DLGAP2: variants seen among roughly 807,000 people sequenced by gnomAD.
The protein encoded by DLGAP2 is disks large-associated protein 2.
A neutral mutation model predicts 100.3 loss-of-function variants in DLGAP2; 26 were observed. The observed-to-expected ratio is 0.26, with a 90% CI of 0.19 to 0.36. DLGAP2 has a LOEUF of 0.36. Ranked by LOEUF, DLGAP2 falls within the 10% of genes least tolerant of loss-of-function variation. The pLI is 1.00. For synonymous variants in DLGAP2, 886 were observed against 630.1 expected (o/e 1.41, Z -6.08); for missense variants, 1,858 against 1,453.2 (o/e 1.28, Z -4.53).
chr8:1,171,132 G>A (rs1258381562), intron 2 of DLGAP2, among the ~76,000 whole-genome samples: 6 of 152,072 alleles, frequency 3.9e-5, no homozygotes, highest in Non-Finnish European at 7.3e-5. Context: ...CCTTCATTTC[G>A]TTATGTACCC....
rs184118550 is a variant in DLGAP2 at position 1,025,085 on chromosome 8, C to T, written c.73+117119C>T. 1.9e-4 allele frequency among the ~76,000 whole-genome samples: 29 copies of T among 151,348 alleles called. No homozygotes were observed. The East Asian group carries it at 4.5e-3, about 23-fold the overall frequency. On this transcript the variant is annotated intron_variant, in intron 2 of 14. Transcript: ENST00000637795. ...GTGCATGTGTGTGCATGTGTGTGTG[C>T]GCGTGTATGTGTGTGCGTGTATGTG...
intron 2 of DLGAP2, among the ~76,000 whole-genome samples, chr8:1,133,797 C>T (rs114988560): frequency 2.1e-3 from 319 of 151,814 alleles, no homozygotes; most frequent in African/African-American, 7.5e-3. Context: ...TTGTAATGAA[C>T]ATCACTCAGT....
chr8:1,701,921 G>C lies in DLGAP2; in HGVS notation c.*515G>C, dbSNP rs921998551. 1.3e-5 allele frequency: 2 copies of C among 152,626 alleles called. No homozygotes were observed. Among genetic ancestry groups the C allele is most frequent in the Non-Finnish European group, 2.9e-5 (2 of 68,478 alleles). 9.5% of individuals were successfully genotyped at this position (152,626 alleles called of 1,614,324 possible). On this transcript the variant is annotated 3_prime_UTR_variant, in exon 15 of 15. Coordinates refer to ENST00000637795, the MANE Select transcript of DLGAP2 (RefSeq NM_001346810.2). ...GCACAGCCGAGCTTTTACTCCCTGA[G>C]CACGGGCCGCTCCGCTCCCCTGCTC...
At chr8:813,496 C>T (rs1395423279) in intron 1 of DLGAP2, among the ~76,000 whole-genome samples, 2 of 152,160 alleles carry the variant, frequency 1.3e-5, no homozygotes, top group Non-Finnish European at 2.9e-5. Flanking sequence ...CTCTGCTCTT[C>T]CAGGCACCCT....
intron 6 of DLGAP2, among the ~76,000 whole-genome samples, chr8:1,616,800 T>C (rs902098883): frequency 8.1e-3 from 1 of 124 alleles, no homozygotes; most frequent in Non-Finnish European, 0.017. Context: ...TAAACTCACG[T>C]CATGTGGGGT....
At chr8:1,148,692 A>G (rs748468280) in intron 2 of DLGAP2, among the ~76,000 whole-genome samples, 2 of 152,146 alleles carry the variant, frequency 1.3e-5, no homozygotes, top group East Asian at 3.8e-4. Flanking sequence ...TTAGAAGTAT[A>G]TTTCTTAATT....
intron 2 of DLGAP2, among the ~76,000 whole-genome samples, chr8:967,832 A>T (rs1368461037): frequency 0.043 from 703 of 16,272 alleles, 82 homozygotes; most frequent in Admixed American, 0.087. Flanking sequence ...ATATATATAT[A>T]TATATATATA....
chr8:1,440,003 G>C (rs1487603630), intron 3 of DLGAP2, among the ~76,000 whole-genome samples: 1 of 152,184 alleles, frequency 6.6e-6, no homozygotes, highest in East Asian at 1.9e-4. Context: ...CCACACTCTA[G>C]TAAGTGATAG....
chr8:1,365,077 G>A (rs538110906), intron 3 of DLGAP2, among the ~76,000 whole-genome samples: 18 of 152,282 alleles, frequency 1.2e-4, no homozygotes, highest in African/African-American at 3.1e-4. Flanking sequence ...GAGAAACCCC[G>A]CAAGGACACG....
At chr8:1,683,952 G>GTA (rs1171271402) in intron 12 of DLGAP2, among the ~76,000 whole-genome samples, 11 of 20,344 alleles carry the variant, frequency 5.4e-4, no homozygotes, top group African/African-American at 2.1e-3. Context: ...ATATATATGT[G>GTA]TGTATATATA....
intron 1 of DLGAP2, among the ~76,000 whole-genome samples, chr8:791,937 TC>T (rs1822039273): frequency 1.3e-5 from 2 of 152,182 alleles, no homozygotes; most frequent in African/African-American, 4.8e-5. Flanking sequence ...CGCATGTGTT[TC>T]CTAAGAATGG....
At chr8:1,072,886 C>G (rs375939866) in intron 2 of DLGAP2, among the ~76,000 whole-genome samples, 1 of 152,198 alleles carries the variant, frequency 6.6e-6, no homozygotes, top group African/African-American at 2.4e-5. Flanking sequence ...GACCCTGTGC[C>G]TCTGGGATTT....
intron 3 of DLGAP2, among the ~76,000 whole-genome samples, chr8:1,498,335 G>T (rs1258690531): frequency 4.6e-5 from 7 of 151,770 alleles, no homozygotes; most frequent in African/African-American, 1.7e-4. Flanking sequence ...ATTCTCTTCA[G>T]AATGTAGATT....
At chr8:1,517,525 G>A (rs1007915369) in intron 4 of DLGAP2, among the ~76,000 whole-genome samples, 1 of 152,150 alleles carries the variant, frequency 6.6e-6, no homozygotes. Flanking sequence ...CAGGGAGAGA[G>A]AGCAGAAGAG....
intron 2 of DLGAP2, among the ~76,000 whole-genome samples, chr8:1,069,691 A>G (rs1803369186): frequency 6.6e-6 from 1 of 152,214 alleles, no homozygotes; most frequent in South Asian, 2.1e-4. Context: ...TGATATTATA[A>G]TGCTGTACCT....
At chr8:1,682,427 C>T (rs958066364) in intron 12 of DLGAP2, among the ~76,000 whole-genome samples, 64 of 151,946 alleles carry the variant, frequency 4.2e-4, no homozygotes, top group African/African-American at 1.1e-3. Flanking sequence ...AATTTGATGA[C>T]GTATAGGGAC....
intron 6 of DLGAP2, among the ~76,000 whole-genome samples, chr8:1,592,348 A>G (rs1428795058): frequency 1.3e-5 from 2 of 152,106 alleles, no homozygotes. Flanking sequence ...TTCACATACT[A>G]TTTTTTATCC....
chr8:831,581 T>G (rs1188682474), intron 1 of DLGAP2, among the ~76,000 whole-genome samples: 1 of 152,210 alleles, frequency 6.6e-6, no homozygotes, highest in Non-Finnish European at 1.5e-5. Flanking sequence ...TTCCATGGTG[T>G]ATATGTGCCA....
intron 3 of DLGAP2, among the ~76,000 whole-genome samples, chr8:1,270,806 GTGTGTGTGTGTGTCTACCTCTC>G (rs1371757052): frequency 6.6e-6 from 1 of 150,880 alleles, no homozygotes; most frequent in Non-Finnish European, 1.5e-5. Context: ...GTGTGTCTCT[GTGTGTGTGTGTGTCTACCTCTC>G]TGTGTGTGTG....
Sources: allele counts gnomAD v4.1 joint callset (sites outside exome capture counted in the v4.1 genomes callset), GRCh38; gene constraint gnomAD v4.1.1; transcripts MANE v1.5; gene names NCBI Gene and HGNC (gene_info 2026-07-23, HGNC 2026-07-21).